The following PRRC2C variants were observed in gnomAD, a reference collection of about 807,000 sequenced individuals.
PRRC2C encodes the protein proline rich coiled-coil 2C.
PRRC2C carries 72 observed loss-of-function variants against 317.2 expected under a neutral mutation model. That is an observed-to-expected ratio of 0.23 (90% CI 0.19 to 0.28). The LOEUF (loss-of-function observed/expected upper bound fraction) is 0.28. Among genes scored for constraint, PRRC2C ranks in the 10% least tolerant of loss-of-function variants. PRRC2C has a pLI of 1.00. For synonymous variants in PRRC2C, 1,296 were observed against 1,205.9 expected (o/e 1.07, Z -1.55); for missense variants, 3,074 against 3,459.7 (o/e 0.89, Z 2.80).
At chr1:171,522,500 T>C (rs1673758514) in intron 7 of PRRC2C, 1 of 243,798 alleles carries the variant, frequency 4.1e-6, no homozygotes, top group Non-Finnish European at 7.8e-6. Context: ...CCGGGGACGG[T>C]GGCTCACCCC....
intron 16 of PRRC2C, among the ~76,000 whole-genome samples, chr1:171,542,674 A>G (rs554233981): frequency 6.6e-6 from 1 of 152,350 alleles, no homozygotes; most frequent in African/African-American, 2.4e-5. Context: ...TCCCTGTTCT[A>G]CTACCAAGGA....
At position 171,592,536 on chromosome 1, in the gene PRRC2C, G is replaced by A. The variant is rs1380498096; in HGVS notation, c.*689G>A. On this transcript the variant is annotated 3_prime_UTR_variant, in exon 35 of 35. Coordinates refer to ENST00000647382, the MANE Select transcript of PRRC2C (RefSeq NM_001387844.1). ...GGCTACTGCTTCTATTTGAAATGGT[G>A]CTGTGTTTTGGTTGTGGTCTGAAGC... is the stretch of plus-strand genomic sequence containing the variant. 6.6e-6 allele frequency: 1 copy of A among 152,146 alleles called. No individual in the cohort carries two copies. The highest frequency in any genetic ancestry group is 2.4e-5 in the African/African-American group (1 of 41,414). The allele number at this position is 152,146 out of a possible 1,614,324, so 9.4% of individuals were successfully genotyped here.
chr1:171,561,224 G>A (rs1682642404), intron 20 of PRRC2C, 121 bp downstream of exon 20: 1 of 948,042 alleles, frequency 1.1e-6, no homozygotes, highest in Non-Finnish European at 1.7e-6. Flanking sequence ...GAGTCCGGGA[G>A]TTTGAGACCA....
chr1:171,528,035 T>C (rs898772032), intron 11 of PRRC2C, among the ~76,000 whole-genome samples, 191 bp downstream of exon 11: 6 of 152,180 alleles, frequency 3.9e-5, no homozygotes, highest in Non-Finnish European at 8.8e-5. Context: ...CAAGTTTCAC[T>C]AAGAAAATAA....
intron 19 of PRRC2C, among the ~76,000 whole-genome samples, chr1:171,559,292 A>G (rs1236114900): frequency 6.6e-6 from 1 of 152,174 alleles, no homozygotes; most frequent in Non-Finnish European, 1.5e-5. Context: ...TTTCATGGCT[A>G]GAGAGAAGTC....
intron 1 of PRRC2C, among the ~76,000 whole-genome samples, chr1:171,506,640 C>G (rs1670285570): frequency 6.8e-6 from 1 of 148,136 alleles, no homozygotes; most frequent in Non-Finnish European, 1.5e-5. Context: ...TTATCTTTCC[C>G]ATTGGATAGC....
chr1:171,552,558 C>T lies in PRRC2C; in HGVS notation c.5127+2318C>T, dbSNP rs143985841. ...CTTGTGCCAGTTTTCAAAGAGAATG[C>T]TTCCAGTTTTTGCCCATTCAGTGTG... On this transcript the variant is annotated intron_variant, in intron 18 of 34. Transcript: ENST00000647382. Among the ~76,000 whole-genome samples the T allele has an allele frequency of 2.2e-3, 337 of 152,294 alleles. 1 individual carries two copies. The highest frequency in any genetic ancestry group is 7.8e-3 in the African/African-American group (326 of 41,568).
intron 3 of PRRC2C, 100 bp from the exon 4 acceptor site, chr1:171,514,434 CAT>C: frequency 3.5e-6 from 3 of 868,698 alleles, no homozygotes; most frequent in Non-Finnish European, 5.2e-6. Flanking sequence ...AATGAATAAA[CAT>C]ATAGCCAAAA....
At chr1:171,496,305 C>T (rs373273764) in intron 1 of PRRC2C, among the ~76,000 whole-genome samples, 17 of 144,654 alleles carry the variant, frequency 1.2e-4, no homozygotes, top group African/African-American at 2.6e-4. Context: ...CGGGTGCAAG[C>T]GATTCTCTTG....
At chr1:171,570,908 C>T (rs1213950107) in intron 23 of PRRC2C, among the ~76,000 whole-genome samples, 5 of 152,130 alleles carry the variant, frequency 3.3e-5, no homozygotes, top group Non-Finnish European at 5.9e-5. Context: ...AGCCTGTAGA[C>T]CAGCACCATC....
rs1651660179 is a variant in PRRC2C, at chr1:171,592,689, A to G, written c.*842A>G. On this transcript the variant is annotated 3_prime_UTR_variant, in exon 35 of 35. Coordinates refer to ENST00000647382, the MANE Select transcript of PRRC2C (RefSeq NM_001387844.1). ...ACTCAGTCATCTTTGTATGAATCCC[A>G]TGATTTGGGGGTTTTTTTCTTTTTT... The G allele has an allele frequency of 1.3e-5, 2 of 151,448 alleles. No individual in the cohort carries two copies. The highest frequency in any genetic ancestry group is 2.4e-5 in the African/African-American group (1 of 41,254). The allele number at this position is 151,448 out of a possible 1,614,324, so 9.4% of individuals were successfully genotyped here.
chr1:171,555,830 T>TC (rs1681268471), intron 18 of PRRC2C, among the ~76,000 whole-genome samples: 1 of 152,136 alleles, frequency 6.6e-6, no homozygotes, highest in Admixed American at 6.5e-5. Context: ...TGCTGCCTGA[T>TC]CCTTCCTCTG....
At position 171,541,788 on chromosome 1, in the gene PRRC2C, G is replaced by A. The variant is rs759890123; in HGVS notation, c.4322G>A (p.Arg1441Gln). Residue 1441 changes from arginine to glutamine, a missense_variant, in exon 16 of 35, where the codon CGG (arginine) becomes CAG (glutamine). Physicochemically the swap from Arg to Gln is conservative, Grantham distance 43. Coordinates refer to ENST00000647382, the MANE Select transcript of PRRC2C (RefSeq NM_001387844.1). The surrounding 1 kb of genome is among the most constrained non-coding windows in gnomAD (Gnocchi z 4.1). ...CAAGACAAGCCACCTCGATTTAGAC[G>A]GCTAAGAGAGAGGGAGGCTGCTTCA... ...PRQDKPPRFR[R>Q]LREREAASKS... is the part of the protein sequence containing the mutation. The A allele has an allele frequency of 5.6e-6, 9 of 1,613,782 alleles. No individual in the cohort carries two copies. The highest frequency in any genetic ancestry group is 4.0e-5 in the African/African-American group (3 of 74,896).
At chr1:171,565,637 A>G (rs953530453) in intron 20 of PRRC2C, among the ~76,000 whole-genome samples, 1 of 152,108 alleles carries the variant, frequency 6.6e-6, no homozygotes, top group Non-Finnish European at 1.5e-5. Context: ...TAGTAGAGAC[A>G]GAGTTTCACC....
At chr1:171,535,927 C>T in intron 13 of PRRC2C, 102 bp from the exon 14 acceptor site, 1 of 1,404,608 alleles carries the variant, frequency 7.1e-7, no homozygotes, top group Non-Finnish European at 9.8e-7. Context: ...TCTTACTTTT[C>T]CTTCAAGGAT....
At position 171,514,780 on chromosome 1, in the gene PRRC2C, G is replaced by A. The variant is rs193081934; in HGVS notation, c.400+135G>A. 26 of 768,286 alleles carry A rather than the reference G, an allele frequency of 3.4e-5. No individual in the cohort carries two copies. In the Admixed American group the frequency reaches 8.2e-4, roughly 24 times the overall value. The allele number at this position is 768,286 out of a possible 1,614,324, so 47.6% of individuals were successfully genotyped here. On this transcript the variant is annotated intron_variant, in intron 4 of 34. Coordinates refer to ENST00000647382, the MANE Select transcript of PRRC2C (RefSeq NM_001387844.1). ...GGATATACTCAAGGCTCTTAAAAAGGTTTTTTAAAAAATCTCTTGGGCTAG... is the reference window on the plus strand; with the variant it reads ...GGATATACTCAAGGCTCTTAAAAAGATTTTTTAAAAAATCTCTTGGGCTAG...
chr1:171,534,911 A>G (rs1287547581), intron 12 of PRRC2C, among the ~76,000 whole-genome samples: 2 of 152,250 alleles, frequency 1.3e-5, no homozygotes, highest in African/African-American at 4.8e-5. Context: ...TCTAGAATGA[A>G]TTATGTTTGA....
At chr1:171,549,754 G>C (rs1679834523) in intron 17 of PRRC2C, among the ~76,000 whole-genome samples, 1 of 152,108 alleles carries the variant, frequency 6.6e-6, no homozygotes, top group Non-Finnish European at 1.5e-5. Flanking sequence ...TAGAGACAGA[G>C]TTTTGCCATG....
In PRRC2C at chr1:171,557,264, GA is replaced by G; in HGVS notation, c.5157del (p.Gly1720GlufsTer32). ...IQVWNKKNAN[E>X]KGRSQTSKLP... ...GGTCTGGAACAAAAAGAATGCAAAT[GA>G]AAAAGGAAGAAGCCAGACTTCTAAG... is the stretch of plus-strand genomic sequence containing the variant. On this transcript the variant is annotated frameshift_variant, in exon 19 of 35. Transcript: ENST00000647382. LOFTEE classifies it high-confidence loss of function. 2 of 1,547,328 alleles carry G rather than the reference GA, an allele frequency of 1.3e-6. No homozygotes were observed. Among genetic ancestry groups the G allele is most frequent in the Non-Finnish European group, 8.7e-7 (1 of 1,145,542 alleles).
Sources: allele counts gnomAD v4.1 joint callset (sites outside exome capture counted in the v4.1 genomes callset), GRCh38; gene constraint gnomAD v4.1.1; non-coding constraint Gnocchi (gnomAD v3.1); transcripts MANE v1.5; gene names NCBI Gene and HGNC (gene_info 2026-07-23, HGNC 2026-07-21).